TARS1: variants seen among roughly 807,000 people sequenced by gnomAD.
TARS1 encodes the protein threonine--tRNA ligase 1, cytoplasmic.
TARS1 carries 57 observed loss-of-function variants against 97.7 expected under a neutral mutation model. That is an observed-to-expected ratio of 0.58 (90% CI 0.47 to 0.73). The LOEUF (loss-of-function observed/expected upper bound fraction) is 0.73, where lower values mean the gene tolerates loss of function less well. Ranked by LOEUF, TARS1 falls within the 30% of genes least tolerant of loss-of-function variation. The pLI is 0.00. For missense variants in TARS1, 806 were observed against 888.3 expected (o/e 0.91, Z 1.18); for synonymous variants, 312 against 293.7 (o/e 1.06, Z -0.64).
chr5:33,442,751 G>C (rs1051284633), intron 1 of TARS1, among the ~76,000 whole-genome samples: 1 of 149,332 alleles, frequency 6.7e-6, no homozygotes, highest in Non-Finnish European at 1.5e-5. Flanking sequence ...TGATCCGCCC[G>C]TCTCGGCCTC....
chr5:33,456,687 T>C (rs1742031350), intron 8 of TARS1, among the ~76,000 whole-genome samples: 1 of 152,274 alleles, frequency 6.6e-6, no homozygotes, highest in Admixed American at 6.5e-5. Context: ...GGCTCATTTC[T>C]ATTTTTGCTC....
rs554023622 is a variant in TARS1, at chr5:33,455,589, G to T, written c.578G>T (p.Gly193Val). 6 of 1,595,740 alleles carry T rather than the reference G, an allele frequency of 3.8e-6. No homozygotes were observed. Among genetic ancestry groups the T allele is most frequent in the African/African-American group, 2.7e-5 (2 of 74,376 alleles). Residue 193 changes from glycine (G) to valine (V), a missense_variant and splice_region_variant, in exon 6 of 19, where the codon GGT becomes GTT. Around this residue, in one of 3 missense-constraint regions of TARS1, gnomAD observed 356 missense variants for 357.8 expected, o/e 0.99. Coordinates refer to ENST00000265112, the MANE Select transcript of TARS1 (RefSeq NM_152295.5). Reference sequence around the variant, plus strand: ...GATTATACTTTCTTCTCCTTCAGGGGTGTGTCTAGCAATGATTTCTCTTCT... The same window carrying T: ...GATTATACTTTCTTCTCCTTCAGGGTTGTGTCTAGCAATGATTTCTCTTCT... ...FYYDMYLEEG[G>V]VSSNDFSSLE...
rs547968885 is a variant in TARS1, at chr5:33,462,263, A to C, written c.1835+60A>C. On this transcript the variant is annotated intron_variant, in intron 16 of 18. Transcript: ENST00000265112. ...TATAAATTGGCTACAAGAAATGTCT[A>C]CTTTTCGATTTAATTATCAGATGGA... 21 of 1,440,324 alleles carry C rather than the reference A, an allele frequency of 1.5e-5. No homozygotes were observed. In the Admixed American group the frequency reaches 2.5e-4, roughly 17 times the overall value. The allele number at this position is 1,440,324 out of a possible 1,614,324, so 89.2% of individuals were successfully genotyped here. A position where few individuals can be genotyped will look rare whatever the true frequency, so the allele number is the denominator to read the frequency against.
At chr5:33,455,524 C>A in intron 5 of TARS1, 63 bp from the exon 6 acceptor site, 2 of 1,092,170 alleles carry the variant, frequency 1.8e-6, no homozygotes, top group Non-Finnish European at 2.6e-6. Flanking sequence ...TCCAAATGAA[C>A]ATTTTTCGAA....
At chr5:33,446,722 G>A in intron 2 of TARS1, 1 of 1,289,396 alleles carries the variant, frequency 7.8e-7, no homozygotes, top group Non-Finnish European at 1.0e-6. Flanking sequence ...ATTGCAAGTG[G>A]CTATGATGAT....
intron 3 of TARS1, among the ~76,000 whole-genome samples, chr5:33,452,601 A>G (rs764083129): frequency 2.0e-5 from 3 of 152,010 alleles, no homozygotes; most frequent in African/African-American, 7.3e-5. Context: ...GTTTTTACTC[A>G]CATTATATGG....
At chr5:33,453,268 T>G in intron 3 of TARS1, 21 bp from the exon 4 acceptor site, 1 of 1,389,676 alleles carries the variant, frequency 7.2e-7, no homozygotes, top group Non-Finnish European at 9.4e-7. Flanking sequence ...GTGGACTTTT[T>G]TTTTTTTTTT....
chr5:33,459,706 G>A lies in TARS1; in HGVS notation c.1095G>A (p.Arg365=). 6.2e-7 allele frequency: 1 copy of A among 1,614,070 alleles called. No homozygotes were observed. The highest frequency in any genetic ancestry group is 1.1e-5 in the South Asian group (1 of 91,082). The change falls in exon 11 of 19, where the codon AGG becomes AGA. Residue 365 remains arginine (R), a synonymous_variant. Coordinates refer to ENST00000265112, the MANE Select transcript of TARS1 (RefSeq NM_152295.5). ...TTATTTTCTATCAGAGCGAATATAG[G>A]AAAAGAGGATTCCAGGAGGTAGTCA... ...ALIEFIRSEY[R]KRGFQEVVTP...
chr5:33,441,936 G>A (rs1177835041), intron 1 of TARS1: 1 of 152,226 alleles, frequency 6.6e-6, no homozygotes, highest in Non-Finnish European at 1.5e-5. Flanking sequence ...TATGCCAGAA[G>A]GGTTAAAGGA....
rs1275070580 is a variant in TARS1, at chr5:33,440,992, C to T, written c.-95C>T. ...TTGCATCAGCTGGTCCAGCCGAGGC[C>T]AAGTCCCGGGCGCTAGCCCACCTCC... On this transcript the variant is annotated 5_prime_UTR_variant, in exon 1 of 19. Transcript: ENST00000265112. 3 of 1,529,060 alleles carry T rather than the reference C, an allele frequency of 2.0e-6. No homozygotes were observed. The highest frequency in any genetic ancestry group is 3.5e-5 in the Admixed American group (2 of 57,692). 94.7% of individuals were successfully genotyped at this position (1,529,060 alleles called of 1,614,324 possible). A position where few individuals can be genotyped will look rare whatever the true frequency, so the allele number is the denominator to read the frequency against.
intron 3 of TARS1, among the ~76,000 whole-genome samples, chr5:33,452,100 TG>T (rs1741772563): frequency 6.6e-6 from 1 of 152,244 alleles, no homozygotes; most frequent in African/African-American, 2.4e-5. Flanking sequence ...AGATAGGAGT[TG>T]TATACATTTT....
At position 33,463,792 on chromosome 5, in the gene TARS1, A is replaced by C. The variant is rs756777667; in HGVS notation, c.1875A>C (p.Pro625=). 6.2e-7 allele frequency: 1 copy of C among 1,612,646 alleles called. No homozygotes were observed. Among genetic ancestry groups the C allele is most frequent in the East Asian group, 2.2e-5 (1 of 44,860 alleles). Residue 625 remains proline, a synonymous_variant, in exon 17 of 19, where the codon CCA becomes CCC. Transcript: ENST00000265112. ...WLSPRQVMVV[P]VGPTCDEYAQ... ...CCCCTCGCCAGGTAATGGTAGTTCC[A>C]GTGGGACCAACCTGTGATGAATATG...
chr5:33,457,173 C>A, intron 8 of TARS1, 84 bp from the exon 9 acceptor site: 1 of 1,496,324 alleles, frequency 6.7e-7, no homozygotes, highest in Non-Finnish European at 9.1e-7. Context: ...ACTACTCTAA[C>A]AAGGCCTCAA....
intron 3 of TARS1, chr5:33,452,338 T>C: frequency 1.3e-6 from 2 of 1,535,240 alleles, no homozygotes; most frequent in Non-Finnish European, 1.7e-6. Context: ...AACTCTGCTC[T>C]AGTCACACAG....
intron 1 of TARS1, 175 bp downstream of exon 1, chr5:33,441,318 T>G (rs1741082333): frequency 3.0e-6 from 2 of 671,082 alleles, no homozygotes; most frequent in African/African-American, 3.6e-5. Context: ...GAACCATCCA[T>G]TCATAAATTA....
At chr5:33,448,458 TTTTTA>T in intron 2 of TARS1, 78 bp from the exon 3 acceptor site, 1 of 1,234,540 alleles carries the variant, frequency 8.1e-7, no homozygotes, top group Non-Finnish European at 1.1e-6. Flanking sequence ...TTCTGTATTG[TTTTTA>T]TTATTTCTTT....
intron 3 of TARS1, among the ~76,000 whole-genome samples, chr5:33,449,995 G>A (rs115791161): frequency 0.015 from 2,258 of 152,168 alleles, 31 homozygotes; most frequent in African/African-American, 0.038. Context: ...GGGGGATAGC[G>A]AGTGCTAATT....
At chr5:33,443,565 T>C (rs1312702186) in intron 1 of TARS1, among the ~76,000 whole-genome samples, 2 of 150,942 alleles carry the variant, frequency 1.3e-5, no homozygotes, top group Admixed American at 6.6e-5. Context: ...CGATCTCTGC[T>C]CACTGCAAGC....
intron 2 of TARS1, among the ~76,000 whole-genome samples, 191 bp downstream of exon 2, chr5:33,445,595 C>T (rs918635370): frequency 2.6e-5 from 4 of 152,200 alleles, no homozygotes; most frequent in Non-Finnish European, 5.9e-5. Flanking sequence ...TCAGTTGTTA[C>T]TGTAAAAGGA....
Sources: allele counts gnomAD v4.1 joint callset (sites outside exome capture counted in the v4.1 genomes callset), GRCh38; gene constraint gnomAD v4.1.1; regional missense constraint gnomAD v4.1.1; transcripts MANE v1.5; gene names NCBI Gene and HGNC (gene_info 2026-07-23, HGNC 2026-07-21).